DIAPH3: variants seen among roughly 807,000 people sequenced by gnomAD.
The protein encoded by DIAPH3 is protein diaphanous homolog 3.
DIAPH3 carries 117 observed loss-of-function variants against 144.3 expected under a neutral mutation model. The ratio of observed to expected loss-of-function variants is 0.81; its 90% CI spans 0.70 to 0.95. The LOEUF (loss-of-function observed/expected upper bound fraction) is 0.95. Among genes scored for constraint, DIAPH3 ranks in the 40% least tolerant of loss-of-function variants. The pLI is 0.00. For synonymous variants in DIAPH3, 519 were observed against 488.9 expected (o/e 1.06, Z -0.81); for missense variants, 1,421 against 1,412.7 (o/e 1.01, Z -0.09).
At chr13:60,132,908 T>C (rs905416504) in intron 2 of DIAPH3, 49 bp downstream of exon 2, 7 of 1,475,080 alleles carry the variant, frequency 4.7e-6, no homozygotes, top group South Asian at 1.1e-5. Flanking sequence ...ATCAACGTTA[T>C]ATGGTTAGTT....
At chr13:59,904,812 C>G (rs562562130) in intron 20 of DIAPH3, among the ~76,000 whole-genome samples, 1 of 151,946 alleles carries the variant, frequency 6.6e-6, no homozygotes, top group East Asian at 1.9e-4. Flanking sequence ...AAGAGTAGCG[C>G]TATAGAACAT....
intron 27 of DIAPH3, among the ~76,000 whole-genome samples, chr13:59,714,315 C>G (rs550363721): frequency 1.3e-3 from 183 of 142,024 alleles, no homozygotes; most frequent in South Asian, 4.7e-3. Context: ...AGCCGAGATC[C>G]CGCCACTGCA....
At chr13:59,752,243 G>T (rs2037045857) in intron 27 of DIAPH3, among the ~76,000 whole-genome samples, 1 of 152,154 alleles carries the variant, frequency 6.6e-6, no homozygotes, top group African/African-American at 2.4e-5. Context: ...GGTGCAAAGA[G>T]ATTCAGTAAC....
chr13:59,825,251 T>C (rs576384361), intron 24 of DIAPH3, among the ~76,000 whole-genome samples: 5 of 152,204 alleles, frequency 3.3e-5, no homozygotes, highest in South Asian at 4.2e-4. Context: ...TGTGTTCTCA[T>C]TGTTCAATTC....
intron 4 of DIAPH3, among the ~76,000 whole-genome samples, chr13:60,043,128 G>A (rs1056611587): frequency 6.6e-6 from 1 of 151,988 alleles, no homozygotes; most frequent in Admixed American, 6.6e-5. Context: ...ATATTTTTAG[G>A]CACACACAAA....
At chr13:59,988,294 C>A (rs73212286) in intron 12 of DIAPH3, among the ~76,000 whole-genome samples, 10,609 of 151,884 alleles carry the variant, frequency 0.07, 411 homozygotes, top group Admixed American at 0.11. Context: ...CACATTTACA[C>A]GTGGTACATA....
rs1054915523 is a variant in DIAPH3 at position 60,084,528 on chromosome 13, C to G, written c.495+9100G>C. Among the ~76,000 whole-genome samples, 4 of 151,664 alleles carry G rather than the reference C, an allele frequency of 2.6e-5. No homozygotes were observed. In the East Asian group the frequency reaches 5.8e-4, roughly 22 times the overall value. On this transcript the variant is annotated intron_variant, in intron 4 of 27. Coordinates refer to ENST00000400324, the MANE Select transcript of DIAPH3 (RefSeq NM_001042517.2). Reference sequence around the variant, plus strand: ...ATATCTACTAAATACGAGAGTATAACAAAGTCATCCTTAACAAAAATGCAG... The same window carrying G: ...ATATCTACTAAATACGAGAGTATAAGAAAGTCATCCTTAACAAAAATGCAG...
intron 25 of DIAPH3, among the ~76,000 whole-genome samples, chr13:59,777,714 T>C (rs1278629500): frequency 6.6e-6 from 1 of 152,120 alleles, no homozygotes; most frequent in African/African-American, 2.4e-5. Context: ...GCAACAATCA[T>C]AGAAGTCCAA....
At position 59,683,695 on chromosome 13, in the gene DIAPH3, T is replaced by C. The variant is rs576491283; in HGVS notation, c.3320-16849A>G. ...GGATTTATAACCAGAAGTCCTGAGT[T>C]TGAGACACGTTTGTCCCAGATGTCA... On this transcript the variant is annotated intron_variant, in intron 27 of 27. Coordinates refer to ENST00000400324, the MANE Select transcript of DIAPH3 (RefSeq NM_001042517.2). Among the ~76,000 whole-genome samples, 169 of 152,312 alleles carry C rather than the reference T, an allele frequency of 1.1e-3. 1 individual carries two copies. In the South Asian group the frequency reaches 0.035, roughly 32 times the overall value.
intron 4 of DIAPH3, among the ~76,000 whole-genome samples, chr13:60,090,686 G>A (rs1004281015): frequency 5.3e-5 from 8 of 152,266 alleles, no homozygotes; most frequent in Middle Eastern, 3.4e-3. Context: ...GCATGACAAA[G>A]TCTGTACCCT....
At chr13:59,911,577 T>A (rs2046997336) in intron 20 of DIAPH3, among the ~76,000 whole-genome samples, 158 bp downstream of exon 20, 1 of 152,208 alleles carries the variant, frequency 6.6e-6, no homozygotes, top group Non-Finnish European at 1.5e-5. Flanking sequence ...TAAATCAAGG[T>A]AATTTCACAT....
At chr13:59,791,025 T>C (rs2139402038) in intron 25 of DIAPH3, among the ~76,000 whole-genome samples, 1 of 152,284 alleles carries the variant, frequency 6.6e-6, no homozygotes, top group South Asian at 2.1e-4. Context: ...GGCTGGAGAG[T>C]GCAGTGGCAC....
At chr13:60,116,819 T>A (rs1242758429) in intron 2 of DIAPH3, among the ~76,000 whole-genome samples, 4 of 152,038 alleles carry the variant, frequency 2.6e-5, no homozygotes, top group Non-Finnish European at 5.9e-5. Context: ...AAACTTTTTT[T>A]AAAAAGAATC....
intron 27 of DIAPH3, among the ~76,000 whole-genome samples, chr13:59,737,577 A>G (rs557645287): frequency 6.6e-6 from 1 of 152,276 alleles, no homozygotes; most frequent in African/African-American, 2.4e-5. Flanking sequence ...GGCAGCAATA[A>G]TTTTACTAGC....
At chr13:59,694,345 G>A (rs1782860242) in intron 27 of DIAPH3, among the ~76,000 whole-genome samples, 1 of 152,056 alleles carries the variant, frequency 6.6e-6, no homozygotes, top group Admixed American at 6.5e-5. Flanking sequence ...ACTGATTTTG[G>A]TCTAGTTTAC....
intron 24 of DIAPH3, among the ~76,000 whole-genome samples, chr13:59,832,661 C>A (rs746187613): frequency 9.2e-5 from 14 of 151,688 alleles, no homozygotes; most frequent in Non-Finnish European, 1.2e-4. Context: ...GGAAACCCTA[C>A]GAATGTAAAA....
chr13:59,872,631 G>C (rs2044346429), intron 21 of DIAPH3, among the ~76,000 whole-genome samples: 1 of 152,226 alleles, frequency 6.6e-6, no homozygotes, highest in Non-Finnish European at 1.5e-5. Context: ...CCTTGATAAA[G>C]GAGAGGTAAG....
chr13:59,980,926 T>G, intron 13 of DIAPH3, 67 bp from the exon 14 acceptor site: 1 of 1,325,090 alleles, frequency 7.5e-7, no homozygotes, highest in Non-Finnish European at 1.1e-6. Flanking sequence ...TTCAAAAGTT[T>G]AGAAAGAAAA....
chr13:60,077,514 C>A (rs1459430139), intron 4 of DIAPH3, among the ~76,000 whole-genome samples: 2 of 152,004 alleles, frequency 1.3e-5, no homozygotes, highest in African/African-American at 4.8e-5. Flanking sequence ...AATTTATGAC[C>A]TCAAAATAAA....
Sources: allele counts gnomAD v4.1 joint callset (sites outside exome capture counted in the v4.1 genomes callset), GRCh38; gene constraint gnomAD v4.1.1; transcripts MANE v1.5; gene names NCBI Gene and HGNC (gene_info 2026-07-23, HGNC 2026-07-21).